The following DMXL1 variants were observed in gnomAD, a reference collection of about 807,000 sequenced individuals.
DMXL1 encodes dmX-like protein 1.
DMXL1 carries 99 observed loss-of-function variants against 319.2 expected under a neutral mutation model. The observed-to-expected ratio is 0.31, with a 90% CI of 0.26 to 0.37. The LOEUF is 0.37. Among genes scored for constraint, DMXL1 ranks in the 10% least tolerant of loss-of-function variants. The pLI is 1.00. For missense variants in DMXL1, 3,745 were observed against 3,595.6 expected (o/e 1.04, Z -1.06); for synonymous variants, 1,385 against 1,235.2 (o/e 1.12, Z -2.54).
Position 119,249,114 on chromosome 5 carries a change from C to G in DMXL1, c.*1895C>G, listed in dbSNP as rs1381196368. On this transcript the variant is annotated 3_prime_UTR_variant, in exon 44 of 44. Transcript: ENST00000539542. The stretch of plus-strand genomic sequence containing the variant: ...AGTCATAATATTTTAAATAAACAAT[C>G]ATGCAGAAACTTTTTTAGGGGGTAT... The G allele has an allele frequency of 6.6e-6, 1 of 152,504 alleles. No homozygotes were observed. The highest frequency in any genetic ancestry group is 1.5e-5 in the Non-Finnish European group (1 of 67,954). 9.4% of individuals were successfully genotyped at this position (152,504 alleles called of 1,614,324 possible). A position where few individuals can be genotyped will look rare whatever the true frequency, so the allele number is the denominator to read the frequency against.
intron 1 of DMXL1, among the ~76,000 whole-genome samples, chr5:119,089,594 C>T (rs1210934041): frequency 3.4e-5 from 5 of 147,564 alleles, no homozygotes; most frequent in Non-Finnish European, 7.4e-5. Flanking sequence ...AAGCATCAGT[C>T]TTGTGCACAG....
At position 119,189,928 on chromosome 5, in the gene DMXL1, T is replaced by C. The variant is rs1321443909; in HGVS notation, c.7314+42T>C. ...CTAGATCAATATTTTCATAGTCAAA[T>C]AGAAATGAGAATATCAGAAATAAGT... On this transcript the variant is annotated intron_variant, in intron 29 of 43. Coordinates refer to ENST00000539542, the MANE Select transcript of DMXL1 (RefSeq NM_001290321.3). 5.2e-6 allele frequency: 8 copies of C among 1,543,562 alleles called. No individual in the cohort carries two copies. The African/African-American group carries it at 9.6e-5, about 19-fold the overall frequency.
At chr5:119,094,086 T>C (rs756429126) in intron 1 of DMXL1, among the ~76,000 whole-genome samples, 1 of 152,212 alleles carries the variant, frequency 6.6e-6, no homozygotes, top group Non-Finnish European at 1.5e-5. Context: ...AAGATCTAGC[T>C]GAGATAATTG....
chr5:119,084,129 T>C (rs565962491), intron 1 of DMXL1, among the ~76,000 whole-genome samples: 25 of 147,336 alleles, frequency 1.7e-4, no homozygotes, highest in Admixed American at 7.0e-4. Context: ...CCCTCACCCC[T>C]TTTTTTTTTA....
intron 34 of DMXL1, among the ~76,000 whole-genome samples, chr5:119,216,554 A>T (rs1427708472): frequency 6.6e-6 from 1 of 152,182 alleles, no homozygotes; most frequent in Non-Finnish European, 1.5e-5. Context: ...AAATAATATG[A>T]AAGAATTATA....
At chr5:119,121,327 A>T (rs1242925190) in intron 9 of DMXL1, among the ~76,000 whole-genome samples, 188 bp downstream of exon 9, 1 of 147,544 alleles carries the variant, frequency 6.8e-6, no homozygotes, top group Non-Finnish European at 1.5e-5. Context: ...TGTTTCTTGC[A>T]GAGGGAGGTT....
chr5:119,114,213 T>C (rs1166949878), intron 5 of DMXL1, among the ~76,000 whole-genome samples: 1 of 152,246 alleles, frequency 6.6e-6, no homozygotes, highest in African/African-American at 2.4e-5. Flanking sequence ...TCTCTCATTC[T>C]AAGGGAATGA....
At chr5:119,172,167 C>G (rs1774709124) in intron 25 of DMXL1, among the ~76,000 whole-genome samples, 198 bp downstream of exon 25, 1 of 152,032 alleles carries the variant, frequency 6.6e-6, no homozygotes, top group African/African-American at 2.4e-5. Flanking sequence ...TACTTACACC[C>G]GGTAGAGTTC....
At chr5:119,197,689 C>T in intron 31 of DMXL1, 66 bp from the exon 32 acceptor site, 3 of 1,437,424 alleles carry the variant, frequency 2.1e-6, no homozygotes, top group South Asian at 2.4e-5. Context: ...TCATTTCAGT[C>T]TTTCTTAAAA....
Position 119,170,555 on chromosome 5 carries a change from G to A in DMXL1, c.5764G>A (p.Val1922Ile), listed in dbSNP as rs766985598. Reference protein sequence around the residue: ...LDAREDKSSAVDWSQSLINGF... With the variant: ...LDAREDKSSAIDWSQSLINGF... ...TGCAAGGGAAGATAAGTCTTCTGCT[G>A]TTGATTGGTCACAGTCACTGATAAA... The change falls in exon 24 of 44, where the codon GTT becomes ATT. Residue 1922 changes from valine (V) to isoleucine (I), a missense_variant. Val to Ile is a conservative substitution (Grantham distance 29). Around this residue, in one of 4 missense-constraint regions of DMXL1, gnomAD observed 1,382 missense variants for 1,269.5 expected, o/e 1.09. Coordinates refer to ENST00000539542, the MANE Select transcript of DMXL1 (RefSeq NM_001290321.3). The A allele has an allele frequency of 6.2e-7, 1 of 1,613,834 alleles. No individual in the cohort carries two copies. Among genetic ancestry groups the A allele is most frequent in the Non-Finnish European group, 8.5e-7 (1 of 1,179,882 alleles).
chr5:119,125,709 C>T (rs532422192), intron 9 of DMXL1, among the ~76,000 whole-genome samples: 11 of 152,056 alleles, frequency 7.2e-5, no homozygotes, highest in East Asian at 3.9e-4. Context: ...GGACTACAGA[C>T]GCCCGCCACC....
intron 1 of DMXL1, among the ~76,000 whole-genome samples, chr5:119,092,173 C>G (rs887318274): frequency 6.6e-6 from 1 of 152,098 alleles, no homozygotes; most frequent in African/African-American, 2.4e-5. Context: ...TTTTTCATTC[C>G]TGTGGCCCCA....
chr5:119,218,150 T>C (rs1336478955), intron 35 of DMXL1, among the ~76,000 whole-genome samples: 2 of 152,006 alleles, frequency 1.3e-5, no homozygotes, highest in African/African-American at 2.4e-5. Flanking sequence ...GCCAAGGCAG[T>C]AGGATCACTA....
intron 1 of DMXL1, among the ~76,000 whole-genome samples, chr5:119,095,757 A>G (rs1238463163): frequency 6.6e-6 from 1 of 152,204 alleles, no homozygotes. Context: ...TAGCCTTTGG[A>G]ATTTATTCTT....
chr5:119,118,305 G>T (rs80326794), intron 7 of DMXL1, among the ~76,000 whole-genome samples: 6 of 152,258 alleles, frequency 3.9e-5, no homozygotes, highest in African/African-American at 1.4e-4. Context: ...TGCCTTTATA[G>T]GAAGTAGAAA....
At chr5:119,194,661 G>T (rs1779293790) in intron 30 of DMXL1, among the ~76,000 whole-genome samples, 1 of 152,094 alleles carries the variant, frequency 6.6e-6, no homozygotes, top group Non-Finnish European at 1.5e-5. Context: ...CTGGTTTATT[G>T]AGGTTTTTCC....
chr5:119,177,898 A>T, intron 27 of DMXL1, 98 bp from the exon 28 acceptor site: 1 of 1,112,850 alleles, frequency 9.0e-7, no homozygotes, highest in South Asian at 1.9e-5. Context: ...TTAACTCCTG[A>T]TGCAATACAT....
At chr5:119,241,150 G>T (rs1380620694) in intron 42 of DMXL1, among the ~76,000 whole-genome samples, 4 of 152,066 alleles carry the variant, frequency 2.6e-5, no homozygotes, top group Non-Finnish European at 5.9e-5. Context: ...CTAGAAAAAA[G>T]AAAATGTTAT....
intron 42 of DMXL1, among the ~76,000 whole-genome samples, chr5:119,241,547 A>AT (rs1482230901): frequency 1.3e-5 from 2 of 151,968 alleles, no homozygotes; most frequent in Admixed American, 6.6e-5. Context: ...AAAAAAAAAA[A>AT]AAAAAAAGAT....
Sources: allele counts gnomAD v4.1 joint callset (sites outside exome capture counted in the v4.1 genomes callset), GRCh38; gene constraint gnomAD v4.1.1; regional missense constraint gnomAD v4.1.1; transcripts MANE v1.5; gene names NCBI Gene and HGNC (gene_info 2026-07-23, HGNC 2026-07-21).